Variants in HS6ST3 observed in about 807,000 individuals in gnomAD.
HS6ST3 encodes heparan-sulfate 6-O-sulfotransferase 3.
Under a neutral mutation model 36.7 loss-of-function variants are expected in HS6ST3, and 12 were observed. That is an observed-to-expected ratio of 0.33 (90% CI 0.21 to 0.53). HS6ST3 has a LOEUF of 0.53. Ranked by LOEUF, HS6ST3 falls within the 20% of genes least tolerant of loss-of-function variation. The pLI is 0.95. For missense variants in HS6ST3, 584 were observed against 640.9 expected (o/e 0.91, Z 0.96); for synonymous variants, 240 against 257.5 (o/e 0.93, Z 0.65).
chr13:96,102,106 C>T (rs1367404527), intron 1 of HS6ST3, among the ~76,000 whole-genome samples: 1 of 152,072 alleles, frequency 6.6e-6, no homozygotes, highest in Non-Finnish European at 1.5e-5. Flanking sequence ...TTTCCCCACA[C>T]AGCTTCCTTG....
intron 1 of HS6ST3, among the ~76,000 whole-genome samples, chr13:96,160,498 T>C (rs1437863019): frequency 6.6e-6 from 1 of 152,214 alleles, no homozygotes; most frequent in African/African-American, 2.4e-5. Flanking sequence ...CCCGTTCTTA[T>C]ATTCCTGACC....
chr13:96,621,121 G>A (rs750279925), intron 1 of HS6ST3, among the ~76,000 whole-genome samples: 1 of 152,164 alleles, frequency 6.6e-6, no homozygotes, highest in Non-Finnish European at 1.5e-5. Context: ...AGCTGCAAGC[G>A]GGAGCAAGGG....
chr13:96,290,923 CCCAGGG>C (rs1441182565), intron 1 of HS6ST3, among the ~76,000 whole-genome samples: 1 of 152,178 alleles, frequency 6.6e-6, no homozygotes, highest in African/African-American at 2.4e-5. Flanking sequence ...CATCCTCTAT[CCCAGGG>C]CCTTTGCACT....
chr13:96,284,509 C>T (rs780896754), intron 1 of HS6ST3, among the ~76,000 whole-genome samples: 2 of 152,138 alleles, frequency 1.3e-5, no homozygotes, highest in Non-Finnish European at 2.9e-5. Context: ...TTTCCATGTT[C>T]TTCTGCCTGC....
intron 1 of HS6ST3, among the ~76,000 whole-genome samples, chr13:96,209,146 A>G (rs940940966): frequency 7.9e-5 from 12 of 152,310 alleles, no homozygotes; most frequent in African/African-American, 2.9e-4. Context: ...AGACATCAAT[A>G]TAGTAATATA....
chr13:96,677,237 G>A (rs1180530044), intron 1 of HS6ST3, among the ~76,000 whole-genome samples: 1 of 152,090 alleles, frequency 6.6e-6, no homozygotes, highest in African/African-American at 2.4e-5. Context: ...ATTTTGATAA[G>A]ATAGTTTCTC....
intron 1 of HS6ST3, among the ~76,000 whole-genome samples, chr13:96,668,382 A>T (rs1055786604): frequency 1.2e-4 from 19 of 152,212 alleles, no homozygotes; most frequent in African/African-American, 4.3e-4. Flanking sequence ...ACGAGGACAC[A>T]CAACTAATGC....
At chr13:96,688,221 T>C (rs988381423) in intron 1 of HS6ST3, among the ~76,000 whole-genome samples, 6 of 72,218 alleles carry the variant, frequency 8.3e-5, no homozygotes, top group African/African-American at 2.0e-4. Context: ...AGTATAATAA[T>C]AATAATCATC....
At chr13:96,105,225 G>A (rs538754031) in intron 1 of HS6ST3, among the ~76,000 whole-genome samples, 5 of 152,086 alleles carry the variant, frequency 3.3e-5, no homozygotes, top group African/African-American at 4.8e-5. Context: ...GATTGGAGTC[G>A]GATCAAGTCT....
chr13:96,328,213 C>G lies in HS6ST3; in HGVS notation c.707+236644C>G, dbSNP rs1038429632. Reference sequence around the variant, plus strand: ...ATTGCCCTGGCCAGAACTTCCAACACTATGTTGAATAGGAGTGGTGAGAGA... The same window carrying G: ...ATTGCCCTGGCCAGAACTTCCAACAGTATGTTGAATAGGAGTGGTGAGAGA... On this transcript the variant is annotated intron_variant, in intron 1 of 1. Transcript: ENST00000376705. Among the ~76,000 whole-genome samples, 6 of 146,188 alleles carry G rather than the reference C, an allele frequency of 4.1e-5. No homozygotes were observed. The East Asian group carries it at 6.0e-4, about 15-fold the overall frequency.
intron 1 of HS6ST3, among the ~76,000 whole-genome samples, chr13:96,321,666 C>A (rs1201453864): frequency 6.6e-6 from 1 of 152,164 alleles, no homozygotes; most frequent in African/African-American, 2.4e-5. Flanking sequence ...CATAGTTGGT[C>A]ATTTTAGCCC....
intron 1 of HS6ST3, among the ~76,000 whole-genome samples, chr13:96,498,152 G>C (rs772403817): frequency 6.6e-6 from 1 of 152,156 alleles, no homozygotes; most frequent in African/African-American, 2.4e-5. Flanking sequence ...AACAGACAAT[G>C]GTTTGTGACA....
chr13:96,263,856 C>T (rs760019527), intron 1 of HS6ST3, among the ~76,000 whole-genome samples: 19 of 152,172 alleles, frequency 1.2e-4, no homozygotes, highest in Non-Finnish European at 2.1e-4. Context: ...ATTAACAAAT[C>T]CCTGGGAGGG....
intron 1 of HS6ST3, among the ~76,000 whole-genome samples, chr13:96,227,908 G>T (rs1441595882): frequency 6.6e-6 from 1 of 152,084 alleles, no homozygotes; most frequent in South Asian, 2.1e-4. Flanking sequence ...CAATTCTACG[G>T]TTGGGTATTC....
rs532763087 is a variant in HS6ST3, at chr13:96,838,052, C to T, written c.*4854C>T. ...AGAGTTTATCTGATTCCTTATCAACCATGATCTCTATCTGAGGTCCTGTAT... is the reference window on the plus strand; with the variant it reads ...AGAGTTTATCTGATTCCTTATCAACTATGATCTCTATCTGAGGTCCTGTAT... On this transcript the variant is annotated 3_prime_UTR_variant, in exon 2 of 2. Transcript: ENST00000376705. 1 of 152,174 alleles carries T rather than the reference C, an allele frequency of 6.6e-6. No individual in the cohort carries two copies. Among genetic ancestry groups the T allele is most frequent in the East Asian group, 1.9e-4 (1 of 5,164 alleles). The allele number at this position is 152,174 out of a possible 1,614,324, so 9.4% of individuals were successfully genotyped here. A position where few individuals can be genotyped will look rare whatever the true frequency, so the allele number is the denominator to read the frequency against.
At chr13:96,773,280 T>G (rs1262404111) in intron 1 of HS6ST3, among the ~76,000 whole-genome samples, 2 of 152,162 alleles carry the variant, frequency 1.3e-5, no homozygotes, top group Non-Finnish European at 1.5e-5. Context: ...GTTTATTTTT[T>G]TCATACCCCA....
intron 1 of HS6ST3, among the ~76,000 whole-genome samples, chr13:96,610,002 C>G (rs1347666877): frequency 2.0e-5 from 3 of 152,054 alleles, no homozygotes; most frequent in Non-Finnish European, 4.4e-5. Flanking sequence ...TGGCTGTATC[C>G]CTAGTGACAA....
At chr13:96,257,619 AT>A (rs769078164) in intron 1 of HS6ST3, among the ~76,000 whole-genome samples, 3 of 152,208 alleles carry the variant, frequency 2.0e-5, no homozygotes, top group Non-Finnish European at 2.9e-5. Context: ...ATAAATTAAC[AT>A]TTTTAAAATG....
chr13:96,328,386 A>G (rs1173735620), intron 1 of HS6ST3, among the ~76,000 whole-genome samples: 3 of 151,884 alleles, frequency 2.0e-5, no homozygotes, highest in Non-Finnish European at 4.4e-5. Flanking sequence ...AGTTTTTAGC[A>G]TGAAGGGTTG....
Sources: gnomAD v4.1 joint callset for allele counts (sites outside exome capture counted in the v4.1 genomes callset) on GRCh38, gnomAD v4.1.1 for gene constraint, MANE v1.5 for transcripts, NCBI Gene and HGNC (gene_info 2026-07-23, HGNC 2026-07-21) for gene names.